Variants in GPC5 observed in about 807,000 individuals in gnomAD.
The protein encoded by GPC5 is glypican 5.
In GPC5, 47 loss-of-function variants were observed where a neutral mutation model predicts 53.9. The ratio of observed to expected loss-of-function variants is 0.87; its 90% CI spans 0.69 to 1.11. GPC5 has a LOEUF of 1.11. GPC5 is among the 50% of genes most tolerant of loss of function. GPC5 has a pLI of 0.00. For synonymous variants in GPC5, 286 were observed against 263.3 expected, an observed-to-expected ratio of 1.09 and a Z score of -0.84; for missense variants, 748 against 713.1, an observed-to-expected ratio of 1.05 and a Z score of -0.56.
At chr13:91,406,263 T>C (rs1741353238) in intron 1 of GPC5, among the ~76,000 whole-genome samples, 1 of 152,224 alleles carries the variant, frequency 6.6e-6, no homozygotes, top group Non-Finnish European at 1.5e-5. Flanking sequence ...CTGATATGTC[T>C]TTTGAACTCT....
intron 7 of GPC5, among the ~76,000 whole-genome samples, chr13:92,483,737 C>A (rs1263451954): frequency 1.3e-5 from 2 of 151,584 alleles, no homozygotes; most frequent in African/African-American, 4.8e-5. Flanking sequence ...ACATACTGTA[C>A]AGTTATACCT....
At chr13:91,479,133 G>A (rs1203413786) in intron 2 of GPC5, among the ~76,000 whole-genome samples, 2 of 151,190 alleles carry the variant, frequency 1.3e-5, no homozygotes, top group African/African-American at 2.4e-5. Context: ...GGGTGGCCTC[G>A]AACTCCTGAG....
At chr13:92,635,124 G>T (rs1001896484) in intron 7 of GPC5, among the ~76,000 whole-genome samples, 1 of 151,614 alleles carries the variant, frequency 6.6e-6, no homozygotes, top group Non-Finnish European at 1.5e-5. Context: ...GATGTTTTCT[G>T]TTTTCTTATT....
At chr13:91,690,300 T>C (rs2035730048) in intron 2 of GPC5, among the ~76,000 whole-genome samples, 1 of 152,216 alleles carries the variant, frequency 6.6e-6, no homozygotes, top group Admixed American at 6.5e-5. Flanking sequence ...ATATGATTCC[T>C]GAAGTTATTA....
chr13:91,504,292 G>A (rs1884817068), intron 2 of GPC5, among the ~76,000 whole-genome samples: 1 of 151,928 alleles, frequency 6.6e-6, no homozygotes, highest in Non-Finnish European at 1.5e-5. Flanking sequence ...TTCATTATTA[G>A]GATCATTTAT....
chr13:92,246,972 T>C (rs2042655792), intron 7 of GPC5, among the ~76,000 whole-genome samples: 1 of 152,136 alleles, frequency 6.6e-6, no homozygotes. Context: ...AATATTTCTC[T>C]TTCAATTTTT....
intron 7 of GPC5, among the ~76,000 whole-genome samples, chr13:92,173,988 C>CT (rs2042089163): frequency 6.6e-6 from 1 of 151,866 alleles, no homozygotes; most frequent in South Asian, 2.1e-4. Context: ...ACCTGTAGTC[C>CT]CAGCTACTGA....
chr13:91,515,358 T>C (rs1403561010), intron 2 of GPC5, among the ~76,000 whole-genome samples: 1 of 152,202 alleles, frequency 6.6e-6, no homozygotes. Flanking sequence ...TGGAGCATTC[T>C]TTATGGCAGG....
At chr13:92,394,216 A>G (rs1254695339) in intron 7 of GPC5, among the ~76,000 whole-genome samples, 2 of 152,218 alleles carry the variant, frequency 1.3e-5, no homozygotes, top group Non-Finnish European at 2.9e-5. Context: ...TTATCTACAT[A>G]TGCAAATGAA....
intron 2 of GPC5, among the ~76,000 whole-genome samples, chr13:91,552,691 G>A (rs1232537750): frequency 1.3e-5 from 2 of 152,108 alleles, no homozygotes; most frequent in Non-Finnish European, 2.9e-5. Flanking sequence ...GCTTAAGAAT[G>A]CCTTTAAGGG....
At chr13:92,491,751 C>T (rs957440959) in intron 7 of GPC5, among the ~76,000 whole-genome samples, 4 of 152,214 alleles carry the variant, frequency 2.6e-5, no homozygotes, top group South Asian at 2.1e-4. Context: ...AGTACATGCC[C>T]AAACTGTTGA....
At chr13:91,881,144 A>T (rs1044081709) in intron 5 of GPC5, among the ~76,000 whole-genome samples, 3 of 152,160 alleles carry the variant, frequency 2.0e-5, no homozygotes, top group African/African-American at 7.2e-5. Flanking sequence ...CAGAAATAAT[A>T]AACAGAAAAA....
chr13:92,135,816 A>G (rs1248189229), intron 6 of GPC5, among the ~76,000 whole-genome samples: 2 of 152,216 alleles, frequency 1.3e-5, no homozygotes, highest in Non-Finnish European at 2.9e-5. Context: ...TCCGACAGAA[A>G]TGACTTCGGT....
intron 3 of GPC5, among the ~76,000 whole-genome samples, chr13:91,707,038 G>A (rs2036120651): frequency 6.6e-6 from 1 of 152,004 alleles, no homozygotes; most frequent in Admixed American, 6.6e-5. Flanking sequence ...TGGAATTACT[G>A]GATACATTTG....
intron 7 of GPC5, among the ~76,000 whole-genome samples, chr13:92,436,539 G>A (rs1419368746): frequency 2.6e-5 from 4 of 152,012 alleles, no homozygotes; most frequent in African/African-American, 9.7e-5. Flanking sequence ...CTATTTCCCA[G>A]GCTACATGAC....
intron 7 of GPC5, among the ~76,000 whole-genome samples, chr13:92,233,391 G>A (rs1390369714): frequency 1.3e-5 from 2 of 152,166 alleles, no homozygotes; most frequent in Non-Finnish European, 2.9e-5. Flanking sequence ...GCAAACACTA[G>A]GTCATCGGAT....
chr13:92,161,214 G>A (rs1486471674), intron 7 of GPC5, among the ~76,000 whole-genome samples: 1 of 152,076 alleles, frequency 6.6e-6, no homozygotes, highest in Non-Finnish European at 1.5e-5. Flanking sequence ...TAAACACAGA[G>A]TATAGAGTTC....
rs182437024 is a variant in GPC5 at position 92,087,136 on chromosome 13, A to G, written c.1402-57694A>G. Among the ~76,000 whole-genome samples, 12 of 152,350 alleles carry G rather than the reference A, an allele frequency of 7.9e-5. 1 individual carries two copies. The highest frequency in any genetic ancestry group is 2.9e-4 in the African/African-American group (12 of 41,592). Reference sequence around the variant, plus strand: ...CTGAGGGCCATCTTGATACTTTGTTAAACAGGATCTATCAAGAGACAGAAT... The same window carrying G: ...CTGAGGGCCATCTTGATACTTTGTTGAACAGGATCTATCAAGAGACAGAAT... On this transcript the variant is annotated intron_variant, in intron 6 of 7. Coordinates refer to ENST00000377067, the MANE Select transcript of GPC5 (RefSeq NM_004466.6).
intron 1 of GPC5, among the ~76,000 whole-genome samples, chr13:91,427,295 T>C (rs1879128353): frequency 6.6e-6 from 1 of 152,116 alleles, no homozygotes; most frequent in Non-Finnish European, 1.5e-5. Context: ...TGCCAGCCTG[T>C]GAAAGCAGCC....
Sources: gnomAD v4.1 joint callset for allele counts (sites outside exome capture counted in the v4.1 genomes callset) on GRCh38, gnomAD v4.1.1 for gene constraint, MANE v1.5 for transcripts, NCBI Gene and HGNC (gene_info 2026-07-23, HGNC 2026-07-21) for gene names.